The following TCERG1L variants were observed in gnomAD, a reference collection of about 807,000 sequenced individuals.
TCERG1L encodes the protein transcription elongation regulator 1-like protein.
Under a neutral mutation model 56.3 loss-of-function variants are expected in TCERG1L, and 37 were observed. The observed-to-expected ratio is 0.66, with a 90% CI of 0.51 to 0.87. The LOEUF is 0.87. Among genes scored for constraint, TCERG1L ranks in the 40% least tolerant of loss-of-function variants. The pLI is 0.00. For synonymous variants in TCERG1L, 324 were observed against 326.3 expected, an observed-to-expected ratio of 0.99 and a Z score of 0.08; for missense variants, 799 against 774.2, an observed-to-expected ratio of 1.03 and a Z score of -0.38.
Position 131,311,434 on chromosome 10 carries a change from G to C in TCERG1L, c.202C>G (p.Pro68Ala). 2.5e-6 allele frequency: 3 copies of C among 1,176,698 alleles called. No individual in the cohort carries two copies. Among genetic ancestry groups the C allele is most frequent in the East Asian group, 3.8e-5 (1 of 26,026 alleles). 72.9% of individuals were successfully genotyped at this position (1,176,698 alleles called of 1,614,324 possible). The part of the protein sequence containing the change: ...VPPVLLASAP[P>A]PAAPLLPGLP... The stretch of plus-strand genomic sequence containing the variant: ...CCGGGGAGCAGCGGGGCCGCGGGCG[G>C]CGGGGCCGAGGCGAGCAGCACCGGG... Residue 68 changes from proline (P) to alanine (A), a missense_variant, in exon 1 of 12, where the codon CCG (proline) becomes GCG (alanine). By Grantham distance (27) the Pro-to-Ala change is conservative. Transcript: ENST00000368642. The surrounding 1 kb of genome is among the most constrained non-coding windows in gnomAD (Gnocchi z 4.0).
chr10:131,287,505 T>C (rs1846558658), intron 3 of TCERG1L, among the ~76,000 whole-genome samples: 1 of 152,222 alleles, frequency 6.6e-6, no homozygotes, highest in South Asian at 2.1e-4. Context: ...CCCATTTTAG[T>C]TGATGTCTGA....
intron 8 of TCERG1L, among the ~76,000 whole-genome samples, chr10:131,132,249 G>A (rs1429293613): frequency 6.6e-6 from 1 of 152,162 alleles, no homozygotes; most frequent in Non-Finnish European, 1.5e-5. Context: ...TCAGATCTGA[G>A]GGGGCCCCAG....
At chr10:131,262,478 T>C (rs1846245312) in intron 3 of TCERG1L, among the ~76,000 whole-genome samples, 1 of 152,212 alleles carries the variant, frequency 6.6e-6, no homozygotes, top group Non-Finnish European at 1.5e-5. Context: ...ATGATGAGCA[T>C]ATACAGCTAT....
At chr10:131,156,907 T>C (rs950698116) in intron 6 of TCERG1L, among the ~76,000 whole-genome samples, 1 of 152,082 alleles carries the variant, frequency 6.6e-6, no homozygotes, top group Non-Finnish European at 1.5e-5. Flanking sequence ...ATAAACCCCT[T>C]CCTTTTTTAA....
At chr10:131,176,778 GGACA>G (rs1338465676) in intron 4 of TCERG1L, among the ~76,000 whole-genome samples, 2 of 14,598 alleles carry the variant, frequency 1.4e-4, no homozygotes, top group Admixed American at 1.5e-3. Context: ...CAAGACACAT[GGACA>G]CACAGAGATA....
At chr10:131,157,369 C>T (rs995991043) in intron 6 of TCERG1L, among the ~76,000 whole-genome samples, 32 of 152,086 alleles carry the variant, frequency 2.1e-4, no homozygotes, top group African/African-American at 7.7e-4. Context: ...TAGCTAACTA[C>T]TCGTAAATCT....
At chr10:131,265,979 G>A (rs12248926) in intron 3 of TCERG1L, among the ~76,000 whole-genome samples, 13,405 of 152,284 alleles carry the variant, frequency 0.088, 672 homozygotes, top group East Asian at 0.18. Context: ...CATTTTAGCC[G>A]CAGTAGAACT....
chr10:131,274,069 G>A (rs1288086006), intron 3 of TCERG1L, among the ~76,000 whole-genome samples: 4 of 152,166 alleles, frequency 2.6e-5, no homozygotes, highest in Non-Finnish European at 4.4e-5. Context: ...CACCACCGCC[G>A]TCGAATGTCT....
chr10:131,134,593 G>A, intron 7 of TCERG1L, 145 bp from the exon 8 acceptor site: 1 of 660,318 alleles, frequency 1.5e-6, no homozygotes, highest in Non-Finnish European at 2.6e-6. Flanking sequence ...AATCCTACGA[G>A]TTTCCTCTTG....
chr10:131,170,458 G>A (rs1451820168), intron 4 of TCERG1L, among the ~76,000 whole-genome samples: 1 of 151,976 alleles, frequency 6.6e-6, no homozygotes, highest in Non-Finnish European at 1.5e-5. Flanking sequence ...AGGCACGGCG[G>A]TAATACCTTT....
chr10:131,238,279 G>A (rs1339217132), intron 4 of TCERG1L, among the ~76,000 whole-genome samples: 1 of 152,194 alleles, frequency 6.6e-6, no homozygotes, highest in Non-Finnish European at 1.5e-5. Context: ...ACACAGTGAT[G>A]GTCGTTCCCC....
intron 4 of TCERG1L, among the ~76,000 whole-genome samples, chr10:131,226,202 A>G (rs1845789632): frequency 6.6e-6 from 1 of 152,124 alleles, no homozygotes; most frequent in Non-Finnish European, 1.5e-5. Flanking sequence ...CAGCTTCCCA[A>G]AGTGCTGGGA....
At chr10:131,301,221 GT>G (rs1188083017) in intron 3 of TCERG1L, among the ~76,000 whole-genome samples, 1 of 151,896 alleles carries the variant, frequency 6.6e-6, no homozygotes, top group Non-Finnish European at 1.5e-5. Context: ...AAGACTGGGG[GT>G]TTCTTACTCC....
At chr10:131,199,609 A>G (rs540316589) in intron 4 of TCERG1L, among the ~76,000 whole-genome samples, 1 of 152,296 alleles carries the variant, frequency 6.6e-6, no homozygotes, top group African/African-American at 2.4e-5. Context: ...GGCCTGTTAA[A>G]TGGGCATTAA....
chr10:131,310,145 G>T (rs1589780583), intron 1 of TCERG1L, among the ~76,000 whole-genome samples: 1 of 152,056 alleles, frequency 6.6e-6, no homozygotes, highest in East Asian at 1.9e-4. Flanking sequence ...TAATGCTAAG[G>T]TTTTTTAAAT....
intron 4 of TCERG1L, among the ~76,000 whole-genome samples, chr10:131,174,273 A>C (rs1161500633): frequency 6.6e-6 from 1 of 152,172 alleles, no homozygotes; most frequent in East Asian, 1.9e-4. Flanking sequence ...ACAGAGCACC[A>C]CACCCCAGCA....
chr10:131,247,919 T>C (rs1016095222), intron 4 of TCERG1L, among the ~76,000 whole-genome samples: 28 of 151,336 alleles, frequency 1.9e-4, no homozygotes, highest in African/African-American at 5.1e-4. Context: ...CACACACGCA[T>C]ACACACGACT....
chr10:131,104,350 G>A lies in TCERG1L; in HGVS notation c.1400C>T (p.Ser467Leu). ...FRDMLLERGVSAFSTWEKELH... is the reference protein window; with the variant it reads ...FRDMLLERGVLAFSTWEKELH... ...TTCTTTCTCCCAGGTAGAAAATGCTGATACCTAAAGAAAGATATTCAATAG... is the reference window on the plus strand; with the variant it reads ...TTCTTTCTCCCAGGTAGAAAATGCTAATACCTAAAGAAAGATATTCAATAG... The change falls in exon 10 of 12, where the codon TCA becomes TTA. Residue 467 changes from serine (S) to leucine (L), a missense_variant. Coordinates refer to ENST00000368642, the MANE Select transcript of TCERG1L (RefSeq NM_174937.4). 1 of 1,537,424 alleles carries A rather than the reference G, an allele frequency of 6.5e-7. No homozygotes were observed. The highest frequency in any genetic ancestry group is 1.2e-5 in the South Asian group (1 of 83,792).
intron 4 of TCERG1L, among the ~76,000 whole-genome samples, chr10:131,218,851 T>A (rs1845701395): frequency 6.6e-6 from 1 of 152,176 alleles, no homozygotes. Context: ...CGTGGTCATG[T>A]GGCCTCTGCG....
Sources: gnomAD v4.1 joint callset for allele counts (sites outside exome capture counted in the v4.1 genomes callset) on GRCh38, gnomAD v4.1.1 for gene constraint, Gnocchi (gnomAD v3.1) non-coding constraint, MANE v1.5 for transcripts, NCBI Gene and HGNC (gene_info 2026-07-23, HGNC 2026-07-21) for gene names.